Variants in CACNA1C observed in about 807,000 individuals in gnomAD.
CACNA1C encodes calcium voltage-gated channel subunit alpha1 C.
In CACNA1C, 30 loss-of-function variants were observed where a neutral mutation model predicts 229.0. The ratio of observed to expected loss-of-function variants is 0.13; its 90% CI spans 0.10 to 0.18. The LOEUF is 0.18. CACNA1C is among the 10% of genes least tolerant of loss of function. The pLI, the probability that CACNA1C is intolerant of heterozygous loss-of-function variation, is 1.00. For synonymous variants in CACNA1C, 1,114 were observed against 1,132.5 expected, an observed-to-expected ratio of 0.98 and a Z score of 0.33; for missense variants, 1,658 against 2,845.0, an observed-to-expected ratio of 0.58 and a Z score of 9.49.
chr12:2,114,650 TA>T (rs1322448985), intron 1 of CACNA1C, among the ~76,000 whole-genome samples: 3 of 152,192 alleles, frequency 2.0e-5, no homozygotes, highest in Non-Finnish European at 4.4e-5. Flanking sequence ...CATTTTATTA[TA>T]TTTATTTTTG....
At chr12:2,083,079 A>G (rs1381145358) in intron 1 of CACNA1C, among the ~76,000 whole-genome samples, 1 of 152,184 alleles carries the variant, frequency 6.6e-6, no homozygotes, top group Non-Finnish European at 1.5e-5. Flanking sequence ...GCTTGAACAT[A>G]GAAGGAACAG....
intron 3 of CACNA1C, among the ~76,000 whole-genome samples, chr12:2,447,841 G>C (rs1015807138): frequency 6.6e-6 from 1 of 152,218 alleles, no homozygotes; most frequent in Non-Finnish European, 1.5e-5. Context: ...CCTCTGACTC[G>C]CAGAGGAGGG....
chr12:2,513,046 G>A (rs1392324381), intron 9 of CACNA1C, 62 bp downstream of exon 9: 1 of 1,423,092 alleles, frequency 7.0e-7, no homozygotes, highest in Non-Finnish European at 9.6e-7. Context: ...CAGCATCGGG[G>A]TCAGCACAGA....
intron 3 of CACNA1C, among the ~76,000 whole-genome samples, chr12:2,347,359 A>G (rs1184385085): frequency 6.6e-6 from 1 of 152,272 alleles, no homozygotes; most frequent in Non-Finnish European, 1.5e-5. Context: ...GCTGTGTGCT[A>G]GGTACATCCA....
chr12:2,310,337 C>A (rs2095354732), intron 3 of CACNA1C, among the ~76,000 whole-genome samples: 1 of 137,726 alleles, frequency 7.3e-6, no homozygotes, highest in African/African-American at 2.9e-5. Context: ...CCTCTGCCTC[C>A]CAGTTAAAAA....
chr12:2,059,488 G>C (rs944907240), intron 1 of CACNA1C, among the ~76,000 whole-genome samples: 2 of 151,496 alleles, frequency 1.3e-5, no homozygotes, highest in African/African-American at 2.4e-5. Flanking sequence ...AGGAAAGCGG[G>C]GGTTAACTGG....
intron 3 of CACNA1C, among the ~76,000 whole-genome samples, chr12:2,228,072 G>T (rs763243377): frequency 4.6e-5 from 7 of 152,084 alleles, no homozygotes; most frequent in Non-Finnish European, 8.8e-5. Context: ...AGAGTTTCTG[G>T]GCTTCTGGGA....
rs184480514 is a variant in CACNA1C, at chr12:2,662,050, G to C, written c.4233-2775G>C. ...GAGGTCAGGAGATCGAGACCATCCT[G>C]GCTAACACCGTGAAACCCCGTCTCT... On this transcript the variant is annotated intron_variant, in intron 34 of 46. Coordinates refer to ENST00000399655, the MANE Select transcript of CACNA1C (RefSeq NM_000719.7). Among the ~76,000 whole-genome samples, 682 of 152,262 alleles carry C rather than the reference G, an allele frequency of 4.5e-3. 5 individuals carry two copies. Among genetic ancestry groups the C allele is most frequent in the African/African-American group, 0.016 (659 of 41,552 alleles).
intron 38 of CACNA1C, among the ~76,000 whole-genome samples, chr12:2,674,268 C>A (rs1334772394): frequency 6.6e-6 from 1 of 152,146 alleles, no homozygotes. Context: ...GGCCCCCTGG[C>A]TGGCCTGAGC....
chr12:2,550,536 C>A (rs1401305385), intron 10 of CACNA1C: 17 of 1,350,492 alleles, frequency 1.3e-5, no homozygotes, highest in Non-Finnish European at 1.7e-5. Context: ...GCTCTCTCAT[C>A]CTGCCAGTAA....
chr12:2,605,066 G>T lies in CACNA1C; in HGVS notation c.2961-15G>T. 6.2e-7 allele frequency: 1 copy of T among 1,607,204 alleles called. No individual in the cohort carries two copies. The highest frequency in any genetic ancestry group is 8.5e-7 in the Non-Finnish European group (1 of 1,173,768). The stretch of plus-strand genomic sequence containing the variant: ...ACAGGAGGAGCTTACTACCCTGCCT[G>T]TTTCCCTCTCCCAGGTCCAGTGCAA... On this transcript the variant is annotated splice_polypyrimidine_tract_variant and intron_variant, in intron 22 of 46. Coordinates refer to ENST00000399655, the MANE Select transcript of CACNA1C (RefSeq NM_000719.7). The surrounding 1 kb of genome is among the most constrained non-coding windows in gnomAD (Gnocchi z 6.2).
chr12:2,652,765 A>C (rs1254309745), intron 32 of CACNA1C, among the ~76,000 whole-genome samples: 1 of 152,148 alleles, frequency 6.6e-6, no homozygotes, highest in African/African-American at 2.4e-5. Context: ...GGGCTCCTGC[A>C]CTCTGAGCCC....
At chr12:2,431,491 A>G (rs1344409374) in intron 3 of CACNA1C, among the ~76,000 whole-genome samples, 1 of 152,140 alleles carries the variant, frequency 6.6e-6, no homozygotes, top group African/African-American at 2.4e-5. Flanking sequence ...GGGAGAAAAA[A>G]CATAAGAGGC....
chr12:2,563,747 C>T (rs146732969), intron 11 of CACNA1C, among the ~76,000 whole-genome samples: 8 of 152,306 alleles, frequency 5.3e-5, no homozygotes, highest in Non-Finnish European at 7.3e-5. Flanking sequence ...TGCAGGGATC[C>T]GTAACAGCCC....
At chr12:2,240,727 C>CATT (rs1161326032) in intron 3 of CACNA1C, among the ~76,000 whole-genome samples, 1 of 152,174 alleles carries the variant, frequency 6.6e-6, no homozygotes, top group Non-Finnish European at 1.5e-5. Context: ...CATGCTTGGT[C>CATT]ATTAGCACAT....
At chr12:2,476,770 T>C (rs1272307788) in intron 5 of CACNA1C, among the ~76,000 whole-genome samples, 1 of 152,250 alleles carries the variant, frequency 6.6e-6, no homozygotes, top group East Asian at 1.9e-4. Flanking sequence ...TCCTTTAGTG[T>C]TCCTCATACC....
At chr12:2,058,428 A>C (rs1228749273) in intron 1 of CACNA1C, among the ~76,000 whole-genome samples, 1 of 152,238 alleles carries the variant, frequency 6.6e-6, no homozygotes, top group Non-Finnish European at 1.5e-5. Flanking sequence ...CAACAAGCCT[A>C]ATTAACAAAA....
At chr12:2,179,288 G>T (rs1405060528) in intron 3 of CACNA1C, among the ~76,000 whole-genome samples, 1 of 152,250 alleles carries the variant, frequency 6.6e-6, no homozygotes, top group African/African-American at 2.4e-5. Context: ...CAGCACAGAA[G>T]TAAGTCGGGG....
At chr12:2,378,851 T>C (rs1371156746) in intron 3 of CACNA1C, among the ~76,000 whole-genome samples, 1 of 151,798 alleles carries the variant, frequency 6.6e-6, no homozygotes, top group Non-Finnish European at 1.5e-5. Context: ...TCTTTCCTTT[T>C]CTTTTCTTTC....
Sources: gnomAD v4.1 joint callset for allele counts (sites outside exome capture counted in the v4.1 genomes callset) on GRCh38, gnomAD v4.1.1 for gene constraint, Gnocchi (gnomAD v3.1) non-coding constraint, MANE v1.5 for transcripts, NCBI Gene and HGNC (gene_info 2026-07-23, HGNC 2026-07-21) for gene names.